The following KLHL32 variants were observed in gnomAD, a reference collection of about 807,000 sequenced individuals.
KLHL32 encodes kelch like family member 32, also known as kelch-like protein 32.
Under a neutral mutation model 64.8 loss-of-function variants are expected in KLHL32, and 35 were observed. The observed-to-expected ratio is 0.54, with a 90% confidence interval of 0.41 to 0.72. The LOEUF is 0.72. KLHL32 is among the 30% of genes least tolerant of loss of function. The pLI is 0.00. For missense variants in KLHL32, 589 were observed against 768.5 expected (o/e 0.77, Z 2.76); for synonymous variants, 259 against 281.0 (o/e 0.92, Z 0.78).
At chr6:96,993,688 A>G (rs1778133768) in intron 3 of KLHL32, among the ~76,000 whole-genome samples, 1 of 152,196 alleles carries the variant, frequency 6.6e-6, no homozygotes, top group South Asian at 2.1e-4. Flanking sequence ...TCAGGCTACC[A>G]CACTGTTATA....
At chr6:97,056,736 G>A (rs1007052651) in intron 4 of KLHL32, among the ~76,000 whole-genome samples, 5 of 152,030 alleles carry the variant, frequency 3.3e-5, no homozygotes, top group African/African-American at 1.2e-4. Context: ...AATAATTCAG[G>A]CCATATAAAG....
chr6:97,041,943 G>C (rs986532951), intron 4 of KLHL32, among the ~76,000 whole-genome samples: 1 of 152,026 alleles, frequency 6.6e-6, no homozygotes. Context: ...TGGCTTTATT[G>C]CCTTAAAAAC....
At chr6:97,059,858 A>C (rs183796746) in intron 4 of KLHL32, among the ~76,000 whole-genome samples, 32 of 152,312 alleles carry the variant, frequency 2.1e-4, no homozygotes, top group Non-Finnish European at 3.2e-4. Context: ...GATGATTATA[A>C]ATTCAAGATT....
chr6:96,979,744 T>C (rs996098766), intron 3 of KLHL32, among the ~76,000 whole-genome samples: 1 of 152,208 alleles, frequency 6.6e-6, no homozygotes, highest in Non-Finnish European at 1.5e-5. Flanking sequence ...TGTACATTGC[T>C]TTAGGCAGTA....
intron 1 of KLHL32, among the ~76,000 whole-genome samples, chr6:96,965,310 G>A (rs1033744047): frequency 6.6e-6 from 1 of 152,152 alleles, no homozygotes; most frequent in African/African-American, 2.4e-5. Context: ...AAGCTTTGTA[G>A]TATATAGCGG....
intron 3 of KLHL32, among the ~76,000 whole-genome samples, chr6:96,988,767 T>C (rs1208647295): frequency 6.6e-6 from 1 of 152,198 alleles, no homozygotes; most frequent in East Asian, 1.9e-4. Flanking sequence ...TGGAATACTA[T>C]GCAACCATAA....
At chr6:96,924,293 A>G (rs925814141), upstream of KLHL32, among the ~76,000 whole-genome samples, 2 of 152,132 alleles carry the variant, frequency 1.3e-5, no homozygotes, top group Admixed American at 6.5e-5. Context: ...GCCCTGGGAA[A>G]GGAGTCTGGG....
intron 4 of KLHL32, among the ~76,000 whole-genome samples, chr6:97,044,917 G>C (rs1785694004): frequency 6.6e-6 from 1 of 151,116 alleles, no homozygotes; most frequent in Non-Finnish European, 1.5e-5. Flanking sequence ...TCTTAGTCTG[G>C]CTAAAGTTTT....
At chr6:97,119,265 C>T (rs1192070081) in intron 7 of KLHL32, among the ~76,000 whole-genome samples, 2 of 152,184 alleles carry the variant, frequency 1.3e-5, no homozygotes, top group African/African-American at 4.8e-5. Context: ...CTGCTACTCT[C>T]TCACCCCTTT....
chr6:96,965,870 AAAAAG>A (rs1247421496), intron 1 of KLHL32, among the ~76,000 whole-genome samples: 3 of 152,224 alleles, frequency 2.0e-5, no homozygotes, highest in African/African-American at 7.2e-5. Context: ...TAATAATTAA[AAAAAG>A]AAAATAAGAA....
At chr6:97,095,809 G>T (rs1418969841) in intron 6 of KLHL32, among the ~76,000 whole-genome samples, 3 of 152,142 alleles carry the variant, frequency 2.0e-5, no homozygotes, top group African/African-American at 7.2e-5. Flanking sequence ...GGATGGATTT[G>T]GAAAATACAT....
intron 6 of KLHL32, among the ~76,000 whole-genome samples, chr6:97,092,793 T>C (rs1328969664): frequency 3.9e-5 from 6 of 152,204 alleles, no homozygotes; most frequent in Admixed American, 3.3e-4. Context: ...GTATATGCCT[T>C]TGCAAGACGC....
chr6:96,997,404 C>T (rs1170301488), intron 3 of KLHL32, among the ~76,000 whole-genome samples: 1 of 152,126 alleles, frequency 6.6e-6, no homozygotes, highest in Non-Finnish European at 1.5e-5. Flanking sequence ...CATATGTATG[C>T]ATTGGTTAAG....
intron 6 of KLHL32, among the ~76,000 whole-genome samples, chr6:97,093,387 C>T (rs914976043): frequency 1.3e-5 from 2 of 152,192 alleles, no homozygotes; most frequent in Admixed American, 6.5e-5. Context: ...CAAATTTTAA[C>T]TAGTGAGAAA....
At chr6:96,987,059 C>T (rs1414604483) in intron 3 of KLHL32, among the ~76,000 whole-genome samples, 1 of 152,174 alleles carries the variant, frequency 6.6e-6, no homozygotes, top group Admixed American at 6.6e-5. Context: ...GGTGATATCC[C>T]CTTTATCATT....
chr6:96,913,743 G>C, the KLHL32 span, among the ~76,000 whole-genome samples: 1 of 152,158 alleles, frequency 6.6e-6, no homozygotes, highest in Non-Finnish European at 1.5e-5. Flanking sequence ...TCAGAATATT[G>C]CCAGGCTTTC....
intron 3 of KLHL32, among the ~76,000 whole-genome samples, chr6:97,006,233 T>C (rs1562235668): frequency 6.6e-6 from 1 of 152,234 alleles, no homozygotes; most frequent in Non-Finnish European, 1.5e-5. Context: ...GGTCTTTTCA[T>C]TGAGTGAGTC....
At chr6:96,979,266 C>T (rs1161794538) in intron 3 of KLHL32, among the ~76,000 whole-genome samples, 1 of 152,006 alleles carries the variant, frequency 6.6e-6, no homozygotes, top group African/African-American at 2.4e-5. Context: ...GGGTTTTTAT[C>T]ATTTTAGGTT....
At chr6:96,914,211 T>C in the KLHL32 span, among the ~76,000 whole-genome samples, 2 of 152,298 alleles carry the variant, frequency 1.3e-5, no homozygotes, top group South Asian at 4.1e-4. Flanking sequence ...CATCCTGATA[T>C]TAGCCCAGTG....
Sources: gnomAD v4.1 joint callset for allele counts (sites outside exome capture counted in the v4.1 genomes callset) on GRCh38, gnomAD v4.1.1 for gene constraint, MANE v1.5 for transcripts, NCBI Gene and HGNC (gene_info 2026-07-23, HGNC 2026-07-21) for gene names.